USP25: variants seen among roughly 807,000 people sequenced by gnomAD.
The protein encoded by USP25 is ubiquitin carboxyl-terminal hydrolase 25.
A neutral mutation model predicts 158.5 loss-of-function variants in USP25; 85 were observed. That is an observed-to-expected ratio of 0.54 (90% CI 0.45 to 0.64). USP25 has a LOEUF of 0.64. USP25 is among the 30% of genes least tolerant of loss of function. The pLI is 0.00. For synonymous variants in USP25, 464 were observed against 460.4 expected (o/e 1.01, Z -0.10); for missense variants, 1,242 against 1,327.3 (o/e 0.94, Z 1.00).
In USP25 at chr21:15,863,803, A is replaced by G. The variant is rs1377044819; in HGVS notation, c.2548-465A>G. On this transcript the variant is annotated intron_variant, in intron 20 of 25. Transcript: ENST00000400183. ...TGTAATCCCAGCACTTTGGGAGGCCAAGGCGGGCGGATTATGAGGTCAGGA... is the reference window on the plus strand; with the variant it reads ...TGTAATCCCAGCACTTTGGGAGGCCGAGGCGGGCGGATTATGAGGTCAGGA... Among the ~76,000 whole-genome samples the G allele has an allele frequency of 3.3e-5, 5 of 151,734 alleles. 1 individual carries two copies. In the South Asian group the frequency reaches 8.3e-4, roughly 25 times the overall value.
At chr21:15,842,565 T>C (rs201129252) in intron 18 of USP25, 25 bp downstream of exon 18, 1 of 1,610,962 alleles carries the variant, frequency 6.2e-7, no homozygotes, top group Non-Finnish European at 8.5e-7. Context: ...TTTGGCTCTC[T>C]GAACATAGCC....
intron 4 of USP25, among the ~76,000 whole-genome samples, chr21:15,786,153 A>C (rs2035260113): frequency 6.6e-6 from 1 of 152,178 alleles, no homozygotes. Flanking sequence ...ATAACTGCTA[A>C]AGCCTGACAT....
At chr21:15,798,597 C>G (rs1179420880) in intron 5 of USP25, among the ~76,000 whole-genome samples, 1 of 151,146 alleles carries the variant, frequency 6.6e-6, no homozygotes, top group Non-Finnish European at 1.5e-5. Flanking sequence ...CAGAGACTAC[C>G]TTCTTAGTGT....
At chr21:15,753,571 G>A (rs2033176152) in intron 1 of USP25, among the ~76,000 whole-genome samples, 2 of 152,166 alleles carry the variant, frequency 1.3e-5, no homozygotes, top group Admixed American at 1.3e-4. Flanking sequence ...ATGGAATGTA[G>A]GAGTGTAGAA....
intron 12 of USP25, 43 bp downstream of exon 12, chr21:15,825,104 C>T: frequency 7.0e-7 from 1 of 1,428,566 alleles, no homozygotes; most frequent in Admixed American, 2.2e-5. Context: ...TATCAGAAAC[C>T]ATGTATTTGG....
At chr21:15,744,399 C>G (rs868492994) in intron 1 of USP25, 2 of 150,840 alleles carry the variant, frequency 1.3e-5, no homozygotes, top group South Asian at 2.1e-4. Flanking sequence ...CAATCTGGCT[C>G]ACTGCAACCT....
chr21:15,818,143 A>G (rs2037043417), intron 9 of USP25, among the ~76,000 whole-genome samples: 1 of 152,106 alleles, frequency 6.6e-6, no homozygotes, highest in South Asian at 2.1e-4. Flanking sequence ...CCCACTCATT[A>G]TTCAAGTCTG....
At chr21:15,835,750 A>G (rs868324892) in intron 17 of USP25, among the ~76,000 whole-genome samples, 3 of 152,192 alleles carry the variant, frequency 2.0e-5, no homozygotes, top group Admixed American at 1.3e-4. Context: ...TGTAGGAAAC[A>G]TTGTATCCTC....
chr21:15,794,776 C>A (rs1002721892), intron 5 of USP25, among the ~76,000 whole-genome samples: 1 of 151,398 alleles, frequency 6.6e-6, no homozygotes, highest in African/African-American at 2.4e-5. Flanking sequence ...TACAGGCACC[C>A]TGAGGGCAGA....
chr21:15,854,639 G>T (rs1386619878), intron 20 of USP25, among the ~76,000 whole-genome samples: 1 of 152,122 alleles, frequency 6.6e-6, no homozygotes, highest in Non-Finnish European at 1.5e-5. Flanking sequence ...GTTTGCTAGT[G>T]ATAAGAATAG....
chr21:15,809,869 ATAT>A (rs2036572395), intron 8 of USP25, among the ~76,000 whole-genome samples: 2 of 152,132 alleles, frequency 1.3e-5, no homozygotes, highest in Non-Finnish European at 2.9e-5. Flanking sequence ...CCCCTTGAAG[ATAT>A]TATGCCACGT....
At chr21:15,827,765 CGTGTGTGTGTGTGTGTGTGTGTGT>C (rs34923569) in intron 14 of USP25, among the ~76,000 whole-genome samples, 2 of 136,810 alleles carry the variant, frequency 1.5e-5, no homozygotes, top group African/African-American at 2.6e-5. Context: ...TGTGCGTGTG[CGTGTGTGTGTGTGTGTGTGTGTGT>C]GTGTGTGTGT....
chr21:15,871,891 T>C (rs1449014095), intron 23 of USP25, among the ~76,000 whole-genome samples: 1 of 151,468 alleles, frequency 6.6e-6, no homozygotes, highest in African/African-American at 2.4e-5. Context: ...CTCAGGAGGC[T>C]GAGGCAGGAG....
chr21:15,849,246 T>C (rs1277350841), intron 19 of USP25, among the ~76,000 whole-genome samples: 1 of 152,174 alleles, frequency 6.6e-6, no homozygotes, highest in East Asian at 1.9e-4. Flanking sequence ...TGTCGTTTTT[T>C]AAAATTTATT....
intron 17 of USP25, among the ~76,000 whole-genome samples, chr21:15,836,543 C>A (rs1016384866): frequency 1.5e-4 from 21 of 139,108 alleles, no homozygotes; most frequent in Non-Finnish European, 6.2e-5. Context: ...GCAAACTTAC[C>A]TGAATACTGT....
intron 4 of USP25, among the ~76,000 whole-genome samples, chr21:15,786,483 T>C (rs1011688012): frequency 2.0e-5 from 3 of 151,872 alleles, no homozygotes; most frequent in Admixed American, 2.0e-4. Context: ...CATACACAAA[T>C]CAATAAATGC....
chr21:15,871,012 A>G (rs2039863886), intron 23 of USP25, among the ~76,000 whole-genome samples: 1 of 152,246 alleles, frequency 6.6e-6, no homozygotes, highest in African/African-American at 2.4e-5. Flanking sequence ...CAGTAGCCTC[A>G]TGTGGTTAGT....
At chr21:15,864,207 T>G in intron 20 of USP25, 61 bp from the exon 21 acceptor site, 1 of 1,513,890 alleles carries the variant, frequency 6.6e-7, no homozygotes, top group Non-Finnish European at 8.9e-7. Flanking sequence ...CTCATAATAT[T>G]GAAGGATTTT....
chr21:15,878,030 G>C, intron 25 of USP25, 39 bp downstream of exon 25: 1 of 1,495,714 alleles, frequency 6.7e-7, no homozygotes, highest in Non-Finnish European at 9.1e-7. Context: ...TGAGATGTCC[G>C]GATTAAATGC....
Sources: gnomAD v4.1 joint callset for allele counts (sites outside exome capture counted in the v4.1 genomes callset) on GRCh38, gnomAD v4.1.1 for gene constraint, MANE v1.5 for transcripts, NCBI Gene and HGNC (gene_info 2026-07-23, HGNC 2026-07-21) for gene names.